MTUS2: variants seen among roughly 807,000 people sequenced by gnomAD.
MTUS2 encodes the protein microtubule associated scaffold protein 2.
Under a neutral mutation model 114.1 loss-of-function variants are expected in MTUS2, and 40 were observed. That is an observed-to-expected ratio of 0.35 (90% CI 0.27 to 0.46). MTUS2 has a LOEUF of 0.46. Ranked by LOEUF, MTUS2 falls within the 20% of genes least tolerant of loss-of-function variation. The pLI, the probability that MTUS2 is intolerant of heterozygous loss-of-function variation, is 1.00. For missense variants in MTUS2, 1,679 were observed against 1,705.4 expected (o/e 0.98, Z 0.27); for synonymous variants, 688 against 672.0 (o/e 1.02, Z -0.37).
chr13:29,317,325 T>C (rs993717926), intron 6 of MTUS2, among the ~76,000 whole-genome samples: 3 of 152,244 alleles, frequency 2.0e-5, no homozygotes, highest in African/African-American at 7.2e-5. Context: ...CAGATATTCC[T>C]CTTAATATTT....
intron 4 of MTUS2, among the ~76,000 whole-genome samples, chr13:29,047,461 T>C (rs1342554033): frequency 6.6e-6 from 1 of 152,136 alleles, no homozygotes; most frequent in Admixed American, 6.5e-5. Context: ...AATATCCTTA[T>C]TGAGTGTTTT....
intron 4 of MTUS2, among the ~76,000 whole-genome samples, chr13:29,049,099 A>G (rs1400577982): frequency 6.6e-5 from 10 of 152,204 alleles, no homozygotes; most frequent in African/African-American, 2.4e-4. Context: ...TTGTCAGGTT[A>G]CTATTCAGAA....
In MTUS2 at chr13:29,504,550, C is replaced by A. The variant is rs1883111563; in HGVS notation, c.*1344C>A. The A allele has an allele frequency of 4.3e-6, 1 of 232,760 alleles. No individual in the cohort carries two copies. The highest frequency in any genetic ancestry group is 1.8e-4 in the South Asian group (1 of 5,514). 14.4% of individuals were successfully genotyped at this position (232,760 alleles called of 1,614,324 possible). ...CTTAGACCCAGAAGGTTCTCCCAAA[C>A]AGAGGAGCCCAGTGAAACAGCCAGC... On this transcript the variant is annotated 3_prime_UTR_variant, in exon 16 of 16. Coordinates refer to ENST00000612955, the MANE Select transcript of MTUS2 (RefSeq NM_001033602.4).
intron 2 of MTUS2, among the ~76,000 whole-genome samples, chr13:28,913,573 TC>T (rs1880575471): frequency 6.6e-6 from 1 of 152,170 alleles, no homozygotes. Context: ...CCTGAAGTTT[TC>T]TTTTTCTTTT....
intron 6 of MTUS2, among the ~76,000 whole-genome samples, chr13:29,283,534 C>T (rs1038898233): frequency 2.6e-5 from 4 of 152,140 alleles, no homozygotes; most frequent in South Asian, 2.1e-4. Context: ...TGTTAAAACA[C>T]GGTGGTTGAA....
intron 2 of MTUS2, among the ~76,000 whole-genome samples, chr13:28,877,641 A>G (rs1878026827): frequency 6.6e-6 from 1 of 152,230 alleles, no homozygotes; most frequent in African/African-American, 2.4e-5. Flanking sequence ...TGAGATTACT[A>G]TAAATCCTGT....
In MTUS2 at chr13:29,286,891, A is replaced by G. The variant is rs117783654; in HGVS notation, c.2806+5026A>G. On this transcript the variant is annotated intron_variant, in intron 6 of 15. Coordinates refer to ENST00000612955, the MANE Select transcript of MTUS2 (RefSeq NM_001033602.4). ...TTTTTAGTAAGGACAGGGTTTCATC[A>G]TGTTAGCTAGGCTGGTCTCGAACTG... is the stretch of plus-strand genomic sequence containing the variant. 8.5e-3 allele frequency among the ~76,000 whole-genome samples: 1,292 copies of G among 152,208 alleles called. 5 individuals carry two copies. The highest frequency in any genetic ancestry group is 0.024 in the Middle Eastern group (7 of 294).
At chr13:28,978,931 T>G (rs1884236729) in intron 2 of MTUS2, among the ~76,000 whole-genome samples, 1 of 152,208 alleles carries the variant, frequency 6.6e-6, no homozygotes, top group Admixed American at 6.5e-5. Context: ...CCGCTCCATT[T>G]CACTCAATAT....
chr13:29,424,581 C>T (rs1413866183), intron 8 of MTUS2, among the ~76,000 whole-genome samples: 1 of 152,164 alleles, frequency 6.6e-6, no homozygotes, highest in Non-Finnish European at 1.5e-5. Flanking sequence ...CACTCTAGCT[C>T]ACTAAAATTG....
At position 29,329,004 on chromosome 13, in the gene MTUS2, G is replaced by C. The variant is rs143515795; in HGVS notation, c.2905+4293G>C. ...TGTGACTCCCCCAGGCCCTTAGATA[G>C]GAATTTGGGCAAGAGAAAAAGAAGG... is the stretch of plus-strand genomic sequence containing the variant. On this transcript the variant is annotated intron_variant, in intron 7 of 15. Transcript: ENST00000612955. Among the ~76,000 whole-genome samples, 705 of 152,184 alleles carry C rather than the reference G, an allele frequency of 4.6e-3. 6 individuals are homozygous for C. Among genetic ancestry groups the C allele is most frequent in the African/African-American group, 0.016 (659 of 41,526 alleles).
intron 9 of MTUS2, among the ~76,000 whole-genome samples, chr13:29,466,062 G>C (rs1455367714): frequency 6.6e-6 from 1 of 152,218 alleles, no homozygotes; most frequent in African/African-American, 2.4e-5. Flanking sequence ...CTGAAGGTTG[G>C]ACACTGTCCT....
chr13:29,062,830 T>C (rs1390197296), intron 4 of MTUS2, among the ~76,000 whole-genome samples: 1 of 152,230 alleles, frequency 6.6e-6, no homozygotes, highest in East Asian at 1.9e-4. Context: ...AAATGAATGA[T>C]ATTTCCTAAG....
At chr13:29,259,721 G>A (rs1374364683) in intron 5 of MTUS2, among the ~76,000 whole-genome samples, 2 of 152,222 alleles carry the variant, frequency 1.3e-5, no homozygotes, top group African/African-American at 2.4e-5. Context: ...TAATAAAAAT[G>A]AATAAAAATA....
intron 6 of MTUS2, among the ~76,000 whole-genome samples, chr13:29,321,059 C>T (rs1900233117): frequency 6.6e-6 from 1 of 152,136 alleles, no homozygotes; most frequent in Non-Finnish European, 1.5e-5. Context: ...AATAGATAAG[C>T]AGTAATGTCT....
intron 2 of MTUS2, among the ~76,000 whole-genome samples, chr13:29,022,171 A>G (rs1886319183): frequency 6.6e-6 from 1 of 152,198 alleles, no homozygotes; most frequent in African/African-American, 2.4e-5. Flanking sequence ...ATTTTAAAAA[A>G]TGGAACAAAA....
At chr13:28,877,002 C>T (rs779224614) in intron 2 of MTUS2, among the ~76,000 whole-genome samples, 12 of 151,706 alleles carry the variant, frequency 7.9e-5, no homozygotes, top group Non-Finnish European at 1.3e-4. Context: ...TTAAAAAATA[C>T]TTATTTAAGG....
intron 5 of MTUS2, among the ~76,000 whole-genome samples, chr13:29,248,419 A>G (rs1897002246): frequency 6.6e-6 from 1 of 152,192 alleles, no homozygotes; most frequent in Admixed American, 6.5e-5. Flanking sequence ...CGTCATATCC[A>G]AAGTATACGA....
chr13:29,042,503 C>T (rs894115225), intron 4 of MTUS2, among the ~76,000 whole-genome samples: 2 of 151,456 alleles, frequency 1.3e-5, no homozygotes, highest in Non-Finnish European at 2.9e-5. Flanking sequence ...GGAGGATTCC[C>T]TCTTTGTCTG....
At chr13:29,022,416 C>T (rs1264743552) in intron 2 of MTUS2, among the ~76,000 whole-genome samples, 2 of 152,174 alleles carry the variant, frequency 1.3e-5, no homozygotes, top group Non-Finnish European at 1.5e-5. Flanking sequence ...GTTGCCAAGG[C>T]TGACCTCAAG....
Sources: gnomAD v4.1 joint callset for allele counts (sites outside exome capture counted in the v4.1 genomes callset) on GRCh38, gnomAD v4.1.1 for gene constraint, MANE v1.5 for transcripts, NCBI Gene and HGNC (gene_info 2026-07-23, HGNC 2026-07-21) for gene names.